The following MTMR3 variants were observed in gnomAD, a reference collection of about 807,000 sequenced individuals.
MTMR3 encodes the protein phosphatidylinositol-3,5-bisphosphate 3-phosphatase MTMR3.
Under a neutral mutation model 132.4 loss-of-function variants are expected in MTMR3, and 32 were observed. The observed-to-expected ratio is 0.24, with a 90% CI of 0.18 to 0.32. The LOEUF (loss-of-function observed/expected upper bound fraction) is 0.32, where lower values mean the gene tolerates loss of function less well. Among genes scored for constraint, MTMR3 ranks in the 10% least tolerant of loss-of-function variants. MTMR3 has a pLI of 1.00. For missense variants in MTMR3, 1,216 were observed against 1,489.6 expected (o/e 0.82, Z 3.02); for synonymous variants, 556 against 550.3 (o/e 1.01, Z -0.14).
At chr22:29,914,120 T>G (rs894789763) in intron 1 of MTMR3, among the ~76,000 whole-genome samples, 1 of 152,220 alleles carries the variant, frequency 6.6e-6, no homozygotes, top group Non-Finnish European at 1.5e-5. Context: ...GACATATATT[T>G]TCATTTCTCT....
intron 16 of MTMR3, chr22:30,019,123 G>A: frequency 5.4e-6 from 1 of 184,536 alleles, no homozygotes; most frequent in Non-Finnish European, 1.2e-5. Context: ...AGGATCGCTT[G>A]AACCTGGGAG....
rs778876980 is a variant in MTMR3 at position 29,988,129 on chromosome 22, A to G, written c.211-351A>G. ...ACTGTTCTGGCTCCCTTCAGCTTCT[A>G]TGTCATTGCATCATTGCAAATCATA... On this transcript the variant is annotated intron_variant, in intron 5 of 19. Transcript: ENST00000401950. 10 of 158,062 alleles carry G rather than the reference A, an allele frequency of 6.3e-5. No individual in the cohort carries two copies. The South Asian group carries it at 7.9e-4, about 12-fold the overall frequency. The allele number at this position is 158,062 out of a possible 1,614,324, so 9.8% of individuals were successfully genotyped here.
Position 29,975,268 on chromosome 22 carries a change from A to T in MTMR3, c.4-3174A>T, listed in dbSNP as rs190801492. On this transcript the variant is annotated intron_variant, in intron 3 of 19. Transcript: ENST00000401950. ...AAAATAAAACTGAGAAATCTTTAAA[A>T]TGCTCATAAATTCATTTAAAAGTAA... Among the ~76,000 whole-genome samples, 84 of 152,378 alleles carry T rather than the reference A, an allele frequency of 5.5e-4. 1 individual carries two copies. Among genetic ancestry groups the T allele is most frequent in the Admixed American group, 2.0e-3 (31 of 15,308 alleles).
chr22:29,955,135 G>A (rs546527407), intron 1 of MTMR3, among the ~76,000 whole-genome samples: 45 of 152,222 alleles, frequency 3.0e-4, no homozygotes, highest in African/African-American at 1.1e-3. Context: ...GACCACAGGT[G>A]TGTACTGCTA....
intron 2 of MTMR3, among the ~76,000 whole-genome samples, chr22:29,961,546 A>G (rs1251186516): frequency 1.3e-5 from 2 of 152,200 alleles, no homozygotes; most frequent in Non-Finnish European, 2.9e-5. Flanking sequence ...TTGGTTAGCA[A>G]CAGACCCAAG....
chr22:30,013,669 C>T, intron 14 of MTMR3, 128 bp downstream of exon 14: 3 of 914,698 alleles, frequency 3.3e-6, no homozygotes, highest in Non-Finnish European at 4.7e-6. Flanking sequence ...TTTCCTGTTT[C>T]TGCTTTTTTT....
intron 1 of MTMR3, among the ~76,000 whole-genome samples, chr22:29,896,738 T>G (rs1251412649): frequency 1.3e-5 from 2 of 152,172 alleles, no homozygotes; most frequent in Non-Finnish European, 2.9e-5. Context: ...CATAACCATT[T>G]ATTTAAGAGT....
chr22:30,012,072 T>C (rs948689527), intron 12 of MTMR3: 5 of 249,716 alleles, frequency 2.0e-5, no homozygotes, highest in Non-Finnish European at 3.8e-5. Context: ...ACTTTCCTTA[T>C]ACCATGGACT....
chr22:29,893,186 G>A (rs1002982489), intron 1 of MTMR3, among the ~76,000 whole-genome samples: 19 of 152,216 alleles, frequency 1.2e-4, no homozygotes, highest in African/African-American at 4.3e-4. Context: ...TATATTTTCC[G>A]TAGTGAGATT....
At chr22:30,007,739 C>A in intron 10 of MTMR3, 162 bp from the exon 11 acceptor site, 2 of 809,144 alleles carry the variant, frequency 2.5e-6, no homozygotes, top group Non-Finnish European at 3.8e-6. Flanking sequence ...AAGAAGGCCA[C>A]ATAGAAAAAA....
rs147400483 is a variant in MTMR3, at chr22:30,020,533, C to T, written c.2874C>T (p.Cys958=). ...TGTACCCCACACCCAATGGGCATTG[C>T]GCCAATGGGGAGGCTGGTAGGAGCA... ...LQMYPTPNGH[C]ANGEAGRSKD... is the part of the protein sequence containing the mutation. Residue 958 remains cysteine, a synonymous_variant, in exon 17 of 20, where the codon TGC becomes TGT. Transcript: ENST00000401950. The T allele has an allele frequency of 5.4e-5, 87 of 1,614,072 alleles. No individual in the cohort carries two copies. Among genetic ancestry groups the T allele is most frequent in the African/African-American group, 2.9e-4 (22 of 74,918 alleles).
At chr22:29,922,559 G>T (rs1396674506) in intron 1 of MTMR3, among the ~76,000 whole-genome samples, 2 of 152,066 alleles carry the variant, frequency 1.3e-5, no homozygotes, top group Non-Finnish European at 2.9e-5. Context: ...GGACAGTTGG[G>T]TTGCTTCTAC....
At chr22:29,894,709 A>G (rs2064861001) in intron 1 of MTMR3, among the ~76,000 whole-genome samples, 2 of 152,122 alleles carry the variant, frequency 1.3e-5, no homozygotes, top group Admixed American at 6.6e-5. Flanking sequence ...AGCCGTTCTA[A>G]GTTTATATAG....
intron 11 of MTMR3, chr22:30,008,294 A>G (rs1244464541): frequency 1.9e-5 from 7 of 361,938 alleles, no homozygotes; most frequent in Non-Finnish European, 3.6e-5. Flanking sequence ...GATCTTCCCC[A>G]TAATAAGACC....
At chr22:29,909,930 C>T (rs1003490251) in intron 1 of MTMR3, among the ~76,000 whole-genome samples, 1 of 150,370 alleles carries the variant, frequency 6.7e-6, no homozygotes, top group Non-Finnish European at 1.5e-5. Context: ...CCGAGGCGGG[C>T]GGATCATGAG....
At chr22:30,022,587 C>T in intron 18 of MTMR3, 22 bp from the exon 19 acceptor site, 3 of 1,606,886 alleles carry the variant, frequency 1.9e-6, no homozygotes, top group Non-Finnish European at 2.6e-6. Context: ...CTGTCAGTAA[C>T]CTGGTCCCAT....
In MTMR3 at chr22:30,020,734, C is replaced by A; in HGVS notation, c.3075C>A (p.Asp1025Glu). 2 of 1,614,218 alleles carry A rather than the reference C, an allele frequency of 1.2e-6. No homozygotes were observed. Among genetic ancestry groups the A allele is most frequent in the Non-Finnish European group, 1.7e-6 (2 of 1,180,052 alleles). The change falls in exon 17 of 20, where the codon GAC (aspartate) becomes GAA (glutamate). Residue 1025 changes from aspartate (D) to glutamate (E), a missense_variant. Coordinates refer to ENST00000401950, the MANE Select transcript of MTMR3 (RefSeq NM_021090.4). ...LDDDGMSVYT[D>E]TIQQRLRQIE... ...ATGATGGCATGTCAGTGTACACAGACACGATCCAACAGCGCCTGCGTCAGA... is the reference window on the plus strand; with the variant it reads ...ATGATGGCATGTCAGTGTACACAGAAACGATCCAACAGCGCCTGCGTCAGA...
Position 30,020,177 on chromosome 22 carries a change from C to A in MTMR3, c.2518C>A (p.Pro840Thr). ...PSQVPFETRGPNVDSSTDMLV... is the reference protein window; with the variant it reads ...PSQVPFETRGTNVDSSTDMLV... ...CCAAGTCCCTTTTGAGACCAGAGGA[C>A]CAAACGTGGACAGTTCTACAGACAT... The change falls in exon 17 of 20, where the codon CCA becomes ACA. Residue 840 changes from proline to threonine, a missense_variant. Pro to Thr is a conservative substitution (Grantham distance 38). This residue lies in a region of MTMR3 where 852 missense variants were observed against 852.0 expected (regional missense o/e 1.00). Transcript: ENST00000401950. The A allele has an allele frequency of 1.2e-6, 2 of 1,614,162 alleles. No individual in the cohort carries two copies. Among genetic ancestry groups the A allele is most frequent in the Non-Finnish European group, 1.7e-6 (2 of 1,180,044 alleles).
intron 1 of MTMR3, among the ~76,000 whole-genome samples, chr22:29,908,589 C>T (rs576283458): frequency 6.6e-6 from 1 of 152,258 alleles, no homozygotes; most frequent in East Asian, 1.9e-4. Flanking sequence ...TTTATCAGTA[C>T]CACAAATTGA....
Sources: allele counts gnomAD v4.1 joint callset (sites outside exome capture counted in the v4.1 genomes callset), GRCh38; gene constraint gnomAD v4.1.1; regional missense constraint gnomAD v4.1.1; transcripts MANE v1.5; gene names NCBI Gene and HGNC (gene_info 2026-07-23, HGNC 2026-07-21).